NUP98: variants seen among roughly 807,000 people sequenced by gnomAD.
NUP98 encodes nucleoporin 98 and 96 precursor, also known as nuclear pore complex protein Nup98-Nup96.
In NUP98, 26 loss-of-function variants were observed where a neutral mutation model predicts 191.9. The observed-to-expected ratio is 0.14, with a 90% CI of 0.10 to 0.19. NUP98 has a LOEUF of 0.19. Ranked by LOEUF, NUP98 falls within the 10% of genes least tolerant of loss-of-function variation. The pLI, the probability that NUP98 is intolerant of heterozygous loss-of-function variation, is 1.00. For synonymous variants in NUP98, 808 were observed against 778.4 expected (o/e 1.04, Z -0.63); for missense variants, 1,941 against 2,178.8 (o/e 0.89, Z 2.17).
chr11:3,755,639 T>C (rs955414009), intron 10 of NUP98, among the ~76,000 whole-genome samples: 4 of 152,132 alleles, frequency 2.6e-5, no homozygotes, highest in Non-Finnish European at 5.9e-5. Flanking sequence ...TATAAAAGTT[T>C]AAAAACAATC....
At chr11:3,723,091 T>C (rs2079464577) in intron 16 of NUP98, 66 bp downstream of exon 16, 1 of 1,473,444 alleles carries the variant, frequency 6.8e-7, no homozygotes, top group Non-Finnish European at 9.4e-7. Flanking sequence ...ATGTTGAATA[T>C]CTGCAACAAG....
intron 10 of NUP98, 95 bp from the exon 11 acceptor site, chr11:3,753,503 T>G: frequency 1.1e-6 from 1 of 911,290 alleles, no homozygotes. Context: ...GACTTTAAGT[T>G]GTGAACCTTT....
In NUP98 at chr11:3,712,711, C is replaced by T; in HGVS notation, c.2595G>A (p.Lys865=). The T allele has an allele frequency of 6.2e-7, 1 of 1,612,366 alleles. No homozygotes were observed. The highest frequency in any genetic ancestry group is 8.5e-7 in the Non-Finnish European group (1 of 1,179,844). The change falls in exon 20 of 33, where the codon AAG becomes AAA. Residue 865 remains lysine (K), a synonymous_variant. Coordinates refer to ENST00000324932, the MANE Select transcript of NUP98 (RefSeq NM_016320.5). ...CTTCATCAGAATCCTGAAGGCCATA[C>T]TTAGAAAAATGGGAGACCTAAGGAA... is the stretch of plus-strand genomic sequence containing the variant. ...SWVFKVSHFS[K]YGLQDSDEEE...
At chr11:3,731,895 A>C (rs1312426762) in intron 13 of NUP98, among the ~76,000 whole-genome samples, 6 of 152,202 alleles carry the variant, frequency 3.9e-5, no homozygotes, top group African/African-American at 7.2e-5. Context: ...TTTCTTTTGA[A>C]TGTCATGTCA....
At chr11:3,705,540 A>C (rs1463005281) in intron 21 of NUP98, among the ~76,000 whole-genome samples, 184 bp from the exon 22 acceptor site, 3 of 152,180 alleles carry the variant, frequency 2.0e-5, no homozygotes, top group African/African-American at 2.4e-5. Context: ...AATTCATATA[A>C]TACTTCTCTT....
At chr11:3,781,954 A>G (rs2081984239) in intron 2 of NUP98, 88 bp downstream of exon 2, 2 of 747,990 alleles carry the variant, frequency 2.7e-6, no homozygotes, top group Non-Finnish European at 4.3e-6. Flanking sequence ...GTAAAAATAA[A>G]ATTCCCACCT....
Position 3,705,190 on chromosome 11 carries a change from T to A in NUP98, c.3082+10A>T. ...AGCTTTCTTGTAAAATAGCATCTTTTATACTGTACCTAGTGAACGAGTTTT... is the reference window on the plus strand; with the variant it reads ...AGCTTTCTTGTAAAATAGCATCTTTAATACTGTACCTAGTGAACGAGTTTT... On this transcript the variant is annotated intron_variant, in intron 22 of 32. Transcript: ENST00000324932. The A allele has an allele frequency of 6.2e-7, 1 of 1,613,874 alleles. No individual in the cohort carries two copies. The highest frequency in any genetic ancestry group is 1.1e-5 in the South Asian group (1 of 91,072).
intron 20 of NUP98, among the ~76,000 whole-genome samples, chr11:3,710,449 A>G (rs1001127967): frequency 1.3e-5 from 2 of 152,192 alleles, no homozygotes; most frequent in Admixed American, 1.3e-4. Flanking sequence ...GAAACAGGGG[A>G]CTGACGATAT....
chr11:3,771,805 A>T lies in NUP98; in HGVS notation c.727T>A (p.Ser243Thr). ...ATSSATGLFS[S>T]STTNSGFAYG... Reference sequence around the variant, plus strand: ...GCAAAGCCTGAATTAGTGGTGGAGGAGCTGAAGAGTCCTGTTGCGCTGGAA... The same window carrying T: ...GCAAAGCCTGAATTAGTGGTGGAGGTGCTGAAGAGTCCTGTTGCGCTGGAA... The change falls in exon 7 of 33, where the codon TCC (serine) becomes ACC (threonine). Residue 243 changes from serine to threonine, a missense_variant. Ser to Thr is a moderately conservative substitution (Grantham distance 58). Around this residue, in one of 6 missense-constraint regions of NUP98, gnomAD observed 181 missense variants for 228.0 expected, o/e 0.79. Coordinates refer to ENST00000324932, the MANE Select transcript of NUP98 (RefSeq NM_016320.5). 6.2e-7 allele frequency: 1 copy of T among 1,614,130 alleles called. No individual in the cohort carries two copies. Among genetic ancestry groups the T allele is most frequent in the South Asian group, 1.1e-5 (1 of 91,080 alleles).
At chr11:3,730,265 T>G (rs913273671) in intron 14 of NUP98, among the ~76,000 whole-genome samples, 5 of 151,828 alleles carry the variant, frequency 3.3e-5, no homozygotes, top group Non-Finnish European at 7.4e-5. Context: ...AGGACAGACA[T>G]AAATAATACA....
rs766244918 is a variant in NUP98 at position 3,768,594 on chromosome 11, C to G, written c.935G>C (p.Ser312Thr). 53 of 1,590,652 alleles carry G rather than the reference C, an allele frequency of 3.3e-5. No homozygotes were observed. In the East Asian group the frequency reaches 1.2e-3, roughly 36 times the overall value. The change falls in exon 8 of 33, where the codon AGC becomes ACC. Residue 312 changes from serine (S) to threonine (T), a missense_variant. Coordinates refer to ENST00000324932, the MANE Select transcript of NUP98 (RefSeq NM_016320.5). ...CTGTTTCCTTACCATGGTGTTGGTG[C>G]TTGGCTGTCCTATGGTGCTGGTATT... ...FGNTSTIGQP[S>T]TNTMGLFGVT...
intron 7 of NUP98, 123 bp downstream of exon 7, chr11:3,771,625 A>G (rs781603258): frequency 2.2e-4 from 176 of 798,590 alleles, no homozygotes; most frequent in Non-Finnish European, 3.3e-4. Flanking sequence ...ATTCCTCCCT[A>G]TTCCTATGGT....
intron 7 of NUP98, among the ~76,000 whole-genome samples, chr11:3,769,130 A>T (rs2081433671): frequency 6.6e-6 from 1 of 152,240 alleles, no homozygotes; most frequent in Admixed American, 6.5e-5. Flanking sequence ...TGTAATATTC[A>T]ATAATGAATA....
chr11:3,738,087 CAAA>C (rs61502115), intron 12 of NUP98, among the ~76,000 whole-genome samples: 1 of 69,734 alleles, frequency 1.4e-5, no homozygotes, highest in African/African-American at 5.0e-5. Context: ...TGGGCGTTCT[CAAA>C]AAAAAAAAAA....
In NUP98 at chr11:3,693,248, T is replaced by C. The variant is rs1204112160; in HGVS notation, c.4295A>G (p.Tyr1432Cys). Residue 1432 changes from tyrosine (Y) to cysteine (C), a missense_variant, in exon 27 of 33, where the codon TAT (tyrosine) becomes TGT (cysteine). By Grantham distance (194) the Tyr-to-Cys change is radical (BLOSUM62 -2). Around this residue, in one of 6 missense-constraint regions of NUP98, gnomAD observed 1,030 missense variants for 1,115.8 expected, o/e 0.92. Transcript: ENST00000324932. ...CACATATACCTGAAATGCTTCTTCA[T>C]ACATGCTGAGCGCCCTAGAAATGGA... ...TASISRALSMYEEAFQNTSDS... is the reference protein window; with the variant it reads ...TASISRALSMCEEAFQNTSDS... 4 of 1,614,042 alleles carry C rather than the reference T, an allele frequency of 2.5e-6. No homozygotes were observed.
Position 3,717,433 on chromosome 11 carries a change from A to G in NUP98, c.2399+1979T>C, listed in dbSNP as rs572996771. On this transcript the variant is annotated intron_variant, in intron 18 of 32. Transcript: ENST00000324932. Reference sequence around the variant, plus strand: ...CCTCCCTGGTTAAGTTTATTTGTGTATATTTTATTCTTTTTGATGCTACTA... The same window carrying G: ...CCTCCCTGGTTAAGTTTATTTGTGTGTATTTTATTCTTTTTGATGCTACTA... Among the ~76,000 whole-genome samples, 27 of 152,192 alleles carry G rather than the reference A, an allele frequency of 1.8e-4. No homozygotes were observed. In the South Asian group the frequency reaches 3.9e-3, roughly 22 times the overall value.
rs2079483060 is a variant in NUP98, at chr11:3,723,372, T to G, written c.1931A>C (p.Asn644Thr). Reference sequence around the variant, plus strand: ...TTGAGGAATAGGTTTGGCAATAGGGTTAGTATAAAAATGTGAAACAAGGGA... The same window carrying G: ...TTGAGGAATAGGTTTGGCAATAGGGGTAGTATAAAAATGTGAAACAAGGGA... ...EDSLVSHFYT[N>T]PIAKPIPQTP... The change falls in exon 16 of 33, where the codon AAC becomes ACC. Residue 644 changes from asparagine to threonine, a missense_variant. Coordinates refer to ENST00000324932, the MANE Select transcript of NUP98 (RefSeq NM_016320.5). 1 of 1,614,040 alleles carries G rather than the reference T, an allele frequency of 6.2e-7. No homozygotes were observed. The highest frequency in any genetic ancestry group is 8.5e-7 in the Non-Finnish European group (1 of 1,179,980).
At chr11:3,694,462 C>T (rs1224331561) in intron 26 of NUP98, among the ~76,000 whole-genome samples, 19 of 151,402 alleles carry the variant, frequency 1.3e-4, no homozygotes, top group African/African-American at 4.4e-4. Flanking sequence ...TGCAGGGGGC[C>T]GGGCGCGGTG....
chr11:3,790,927 G>T (rs1200141462), intron 1 of NUP98, among the ~76,000 whole-genome samples: 2 of 148,480 alleles, frequency 1.3e-5, no homozygotes, highest in African/African-American at 2.5e-5. Context: ...ACAGAGTCTG[G>T]CTCTGTTGCC....
Sources: gnomAD v4.1 joint callset for allele counts (sites outside exome capture counted in the v4.1 genomes callset) on GRCh38, gnomAD v4.1.1 for gene constraint, gnomAD v4.1.1 regional missense constraint, MANE v1.5 for transcripts, NCBI Gene and HGNC (gene_info 2026-07-23, HGNC 2026-07-21) for gene names.